The following CRADD variants were observed in gnomAD, a reference collection of about 807,000 sequenced individuals.
CRADD encodes death domain-containing protein CRADD.
CRADD carries 9 observed loss-of-function variants against 15.5 expected under a neutral mutation model. The ratio of observed to expected loss-of-function variants is 0.58; its 90% CI spans 0.35 to 1.01. The LOEUF (loss-of-function observed/expected upper bound fraction) is 1.01. Ranked by LOEUF, CRADD falls within the 50% of genes least tolerant of loss-of-function variation. CRADD has a pLI of 0.02. For synonymous variants in CRADD, 118 were observed against 107.6 expected (o/e 1.10, Z -0.60); for missense variants, 227 against 250.3 (o/e 0.91, Z 0.63).
chr12:93,871,096 C>T (rs1444816206), intron 2 of CRADD, among the ~76,000 whole-genome samples: 1 of 152,158 alleles, frequency 6.6e-6, no homozygotes, highest in Non-Finnish European at 1.5e-5. Flanking sequence ...CTGTATACCT[C>T]TCTTTGAGTA....
At chr12:93,727,264 T>G (rs1956384757) in intron 2 of CRADD, among the ~76,000 whole-genome samples, 1 of 152,166 alleles carries the variant, frequency 6.6e-6, no homozygotes, top group Non-Finnish European at 1.5e-5. Flanking sequence ...AGTGACTGCT[T>G]ATTGTCGCCT....
intron 2 of CRADD, among the ~76,000 whole-genome samples, chr12:93,770,252 C>T (rs916903035): frequency 2.0e-5 from 3 of 151,880 alleles, no homozygotes; most frequent in South Asian, 2.1e-4. Context: ...CCCGCCATCA[C>T]GCCCGGCTAA....
chr12:93,853,142 T>A (rs1565940078), downstream of CRADD, among the ~76,000 whole-genome samples: 1 of 152,194 alleles, frequency 6.6e-6, no homozygotes, highest in Non-Finnish European at 1.5e-5. Context: ...CAACTGATAA[T>A]ACACTTATTT....
chr12:93,738,659 C>T (rs865995041), intron 2 of CRADD: 6 of 520,518 alleles, frequency 1.2e-5, no homozygotes, highest in Non-Finnish European at 1.7e-5. Context: ...CTTTTTTGTG[C>T]GTAAAGTGTC....
At chr12:93,887,819 G>A (rs536640558) in intron 2 of CRADD, among the ~76,000 whole-genome samples, 23 of 152,188 alleles carry the variant, frequency 1.5e-4, no homozygotes, top group Non-Finnish European at 2.5e-4. Context: ...ACACGTTAAC[G>A]TTTATGGAGT....
At chr12:93,814,404 A>T (rs2137011286) in intron 2 of CRADD, among the ~76,000 whole-genome samples, 1 of 152,304 alleles carries the variant, frequency 6.6e-6, no homozygotes, top group Admixed American at 6.5e-5. Context: ...TTCCCCCCAG[A>T]GTACACAAGG....
rs765951221 is a variant in CRADD, at chr12:93,678,963, C to T, written c.189C>T (p.Ser63=). 3.7e-5 allele frequency: 59 copies of T among 1,613,930 alleles called. No homozygotes were observed. The highest frequency in any genetic ancestry group is 3.5e-5 in the Non-Finnish European group (41 of 1,179,936). Residue 63 remains serine (S), a synonymous_variant, in exon 2 of 3, where the codon TCC becomes TCT. Transcript: ENST00000332896. ...KTMLLLDILP[S]RGPKAFDTFL... ...TGCTCCTGCTGGATATCCTACCTTC[C>T]AGGGGCCCTAAAGCATTTGATACAT...
chr12:93,874,238 C>T (rs1286567437), intron 2 of CRADD, among the ~76,000 whole-genome samples: 1 of 151,876 alleles, frequency 6.6e-6, no homozygotes, highest in Non-Finnish European at 1.5e-5. Flanking sequence ...GCATTTGGTG[C>T]TTATAGTAGC....
chr12:93,847,516 A>AAAAAAAC (rs1565937776), intron 2 of CRADD, among the ~76,000 whole-genome samples: 4 of 140,480 alleles, frequency 2.8e-5, no homozygotes, highest in African/African-American at 5.4e-5. Flanking sequence ...AAAAAAAAAA[A>AAAAAAAC]AAAAACCTCC....
At chr12:93,855,842 G>A (rs12099813) in intron 2 of CRADD, among the ~76,000 whole-genome samples, 65 of 152,122 alleles carry the variant, frequency 4.3e-4, no homozygotes, top group African/African-American at 1.5e-3. Flanking sequence ...TTTTTGAGAC[G>A]GAGTCTTGCT....
intron 2 of CRADD, among the ~76,000 whole-genome samples, chr12:93,723,606 C>T (rs1956302831): frequency 6.6e-6 from 1 of 152,212 alleles, no homozygotes; most frequent in Non-Finnish European, 1.5e-5. Context: ...TAATAAGCTC[C>T]TGTCCTCTTG....
chr12:93,816,401 A>ATTTT (rs1957698274), intron 2 of CRADD, among the ~76,000 whole-genome samples: 1 of 38,116 alleles, frequency 2.6e-5, no homozygotes, highest in Non-Finnish European at 5.4e-5. Context: ...TTTTTTTTGG[A>ATTTT]TTTTTGGTAG....
At chr12:93,860,164 G>A (rs575763158) in intron 2 of CRADD, among the ~76,000 whole-genome samples, 45 of 151,574 alleles carry the variant, frequency 3.0e-4, no homozygotes, top group Non-Finnish European at 5.2e-4. Flanking sequence ...ATAAGGTTTA[G>A]GTATAAGATA....
rs142345011 is a variant in CRADD, at chr12:93,891,078, A to G, written c.299-2972A>G. 3.7e-3 allele frequency among the ~76,000 whole-genome samples: 558 copies of G among 152,114 alleles called. 3 individuals carry two copies. The highest frequency in any genetic ancestry group is 6.4e-3 in the Non-Finnish European group (435 of 67,962). On this transcript the variant is annotated intron_variant, in intron 2 of 2. Transcript: ENST00000548483. Reference sequence around the variant, plus strand: ...GTATTTCTTAAATGTATTTGATTGAAGTCTCATGTCTCTGTAAAATGTATA... The same window carrying G: ...GTATTTCTTAAATGTATTTGATTGAGGTCTCATGTCTCTGTAAAATGTATA...
At chr12:93,797,406 ACAGT>A (rs1957431050) in intron 2 of CRADD, among the ~76,000 whole-genome samples, 1 of 152,200 alleles carries the variant, frequency 6.6e-6, no homozygotes, top group South Asian at 2.1e-4. Context: ...CATTCACATC[ACAGT>A]CAGTGCAGGT....
chr12:93,817,350 G>T (rs1957715365), intron 2 of CRADD, among the ~76,000 whole-genome samples: 1 of 152,210 alleles, frequency 6.6e-6, no homozygotes, highest in Non-Finnish European at 1.5e-5. Context: ...TCGGGACAGG[G>T]AACGTGGAGC....
chr12:93,701,358 GGGCTGGTGTGACTGCTCCACAGTTACCA>G, intron 2 of CRADD, among the ~76,000 whole-genome samples: 1 of 150,992 alleles, frequency 6.6e-6, no homozygotes, highest in Admixed American at 6.6e-5. Context: ...CCAGGGCTGT[GGGCTGGTGTGACTGCTCCACAGTTACCA>G]GAGGCCAAGG....
intron 2 of CRADD, among the ~76,000 whole-genome samples, chr12:93,690,247 G>A (rs1213329777): frequency 6.6e-6 from 1 of 152,236 alleles, no homozygotes; most frequent in Non-Finnish European, 1.5e-5. Context: ...GGGAAAGGAA[G>A]TTCCAAAAGA....
intron 2 of CRADD, among the ~76,000 whole-genome samples, chr12:93,877,429 CCAGA>C (rs1324023257): frequency 1.3e-5 from 2 of 152,214 alleles, no homozygotes; most frequent in Non-Finnish European, 2.9e-5. Context: ...GCAAAGTCCC[CCAGA>C]CACCAGGTGG....
Sources: gnomAD v4.1 joint callset for allele counts (sites outside exome capture counted in the v4.1 genomes callset) on GRCh38, gnomAD v4.1.1 for gene constraint, MANE v1.5 for transcripts, NCBI Gene and HGNC (gene_info 2026-07-23, HGNC 2026-07-21) for gene names.